The following LRMDA variants were observed in gnomAD, a reference collection of about 807,000 sequenced individuals.
LRMDA encodes leucine-rich melanocyte differentiation-associated protein.
In LRMDA, 18 loss-of-function variants were observed where a neutral mutation model predicts 29.8. The ratio of observed to expected loss-of-function variants is 0.60; its 90% CI spans 0.42 to 0.90. LRMDA has a LOEUF of 0.90. Among genes scored for constraint, LRMDA ranks in the 40% least tolerant of loss-of-function variants. The pLI is 0.00. For missense variants in LRMDA, 273 were observed against 273.9 expected, an observed-to-expected ratio of 1.00 and a Z score of 0.02; for synonymous variants, 125 against 109.4, an observed-to-expected ratio of 1.14 and a Z score of -0.89.
chr10:76,493,372 C>T (rs772823800), intron 6 of LRMDA, among the ~76,000 whole-genome samples: 5 of 151,934 alleles, frequency 3.3e-5, no homozygotes, highest in Non-Finnish European at 7.4e-5. Context: ...TGAATGCTGC[C>T]AGGCCTGGGA....
intron 2 of LRMDA, among the ~76,000 whole-genome samples, chr10:75,585,124 C>G (rs2132079700): frequency 6.6e-6 from 1 of 152,336 alleles, no homozygotes; most frequent in East Asian, 1.9e-4. Flanking sequence ...AGAGACCTCT[C>G]CTCTTGCTGG....
At chr10:76,073,309 C>T (rs114830422) in intron 5 of LRMDA, among the ~76,000 whole-genome samples, 1 of 152,150 alleles carries the variant, frequency 6.6e-6, no homozygotes, top group Non-Finnish European at 1.5e-5. Flanking sequence ...GTGTTCCCTT[C>T]CAAACCGTAT....
intron 2 of LRMDA, among the ~76,000 whole-genome samples, chr10:75,986,148 A>T (rs1486355052): frequency 6.6e-6 from 1 of 152,206 alleles, no homozygotes. Flanking sequence ...CATGAGCTGG[A>T]ATAAACATGT....
intron 5 of LRMDA, among the ~76,000 whole-genome samples, chr10:76,234,547 A>G (rs1009480256): frequency 3.3e-5 from 5 of 152,170 alleles, no homozygotes; most frequent in Non-Finnish European, 5.9e-5. Flanking sequence ...AAAAGCCCCA[A>G]ATGGCATCTT....
At chr10:75,991,691 T>C (rs73279670) in intron 2 of LRMDA, among the ~76,000 whole-genome samples, 4,723 of 152,318 alleles carry the variant, frequency 0.031, 139 homozygotes, top group African/African-American at 0.076. Context: ...GAGTGGGAAG[T>C]AGTGATGTTG....
chr10:75,580,007 A>G (rs898373798), intron 2 of LRMDA, among the ~76,000 whole-genome samples: 4 of 152,214 alleles, frequency 2.6e-5, no homozygotes, highest in Non-Finnish European at 4.4e-5. Flanking sequence ...TTTCAAAACC[A>G]GCACAGGGCA....
At position 76,182,574 on chromosome 10, in the gene LRMDA, C is replaced by A. The variant is rs866083006; in HGVS notation, c.516+123791C>A. On this transcript the variant is annotated intron_variant, in intron 5 of 6. Coordinates refer to ENST00000611255, the MANE Select transcript of LRMDA (RefSeq NM_001305581.2). ...AAACAGTGTTCATGTTGTGTCCTAC[C>A]TTGTCCCATGGAAAATCCTGATTTT... is the stretch of plus-strand genomic sequence containing the variant. 7.2e-5 allele frequency among the ~76,000 whole-genome samples: 11 copies of A among 152,312 alleles called. No homozygotes were observed. In the Middle Eastern group the frequency reaches 0.014, roughly 188 times the overall value.
At chr10:76,278,367 G>A (rs1302706658) in intron 5 of LRMDA, among the ~76,000 whole-genome samples, 1 of 152,132 alleles carries the variant, frequency 6.6e-6, no homozygotes, top group Non-Finnish European at 1.5e-5. Flanking sequence ...AATATAATGA[G>A]ATAATGACTG....
At chr10:75,587,322 C>T (rs1430327) in intron 2 of LRMDA, among the ~76,000 whole-genome samples, 90,434 of 151,872 alleles carry the variant, frequency 0.6, 30,705 homozygotes, top group East Asian at 0.85. Context: ...TCCAGGGTTG[C>T]GTTTTTTTGT....
At chr10:76,338,415 A>C (rs1446200367) in intron 6 of LRMDA, among the ~76,000 whole-genome samples, 1 of 152,094 alleles carries the variant, frequency 6.6e-6, no homozygotes, top group Admixed American at 6.6e-5. Context: ...AAATGGATGT[A>C]GAACTAGCTT....
intron 2 of LRMDA, among the ~76,000 whole-genome samples, chr10:75,828,021 C>T (rs1232230206): frequency 1.3e-5 from 2 of 152,216 alleles, no homozygotes; most frequent in Admixed American, 6.5e-5. Context: ...GTACATTCCT[C>T]AACCCCATTT....
At chr10:76,469,202 T>A (rs1040409517) in intron 6 of LRMDA, among the ~76,000 whole-genome samples, 2 of 152,140 alleles carry the variant, frequency 1.3e-5, no homozygotes, top group African/African-American at 4.8e-5. Flanking sequence ...TAGGTGTGGC[T>A]AAGAAGGTGG....
At chr10:76,031,804 G>T (rs193294300) in intron 2 of LRMDA, among the ~76,000 whole-genome samples, 1 of 152,020 alleles carries the variant, frequency 6.6e-6, no homozygotes, top group Admixed American at 6.5e-5. Context: ...TTTCTTGATT[G>T]GTTTGAGAAC....
At chr10:75,975,999 C>G (rs1847062918) in intron 2 of LRMDA, among the ~76,000 whole-genome samples, 1 of 152,236 alleles carries the variant, frequency 6.6e-6, no homozygotes, top group African/African-American at 2.4e-5. Context: ...TTCCTACAAT[C>G]TATTTGCCAC....
intron 2 of LRMDA, among the ~76,000 whole-genome samples, chr10:75,754,804 G>A (rs527982293): frequency 3.6e-4 from 54 of 151,234 alleles, no homozygotes; most frequent in Non-Finnish European, 5.7e-4. Flanking sequence ...TTTCTCTCTC[G>A]GTCACTGCCT....
chr10:76,102,194 T>C (rs751619703), intron 5 of LRMDA, among the ~76,000 whole-genome samples: 2 of 152,234 alleles, frequency 1.3e-5, no homozygotes, highest in Non-Finnish European at 2.9e-5. Flanking sequence ...GTTTGGGTGT[T>C]TCCATCTTTT....
intron 2 of LRMDA, among the ~76,000 whole-genome samples, chr10:75,612,991 G>T (rs1191956900): frequency 6.6e-6 from 1 of 152,150 alleles, no homozygotes; most frequent in Non-Finnish European, 1.5e-5. Context: ...TTACTCAAAC[G>T]TATGCTATTG....
intron 6 of LRMDA, among the ~76,000 whole-genome samples, chr10:76,439,286 A>G (rs1365673907): frequency 6.6e-6 from 1 of 152,142 alleles, no homozygotes; most frequent in Non-Finnish European, 1.5e-5. Flanking sequence ...GTTTTATGAG[A>G]CAGGAAAGCT....
chr10:76,210,162 A>G (rs1851610382), intron 5 of LRMDA, among the ~76,000 whole-genome samples: 1 of 152,216 alleles, frequency 6.6e-6, no homozygotes, highest in African/African-American at 2.4e-5. Context: ...TCAGTTAAAA[A>G]TACACAAAAT....
Sources: allele counts gnomAD v4.1 joint callset (sites outside exome capture counted in the v4.1 genomes callset), GRCh38; gene constraint gnomAD v4.1.1; transcripts MANE v1.5; gene names NCBI Gene and HGNC (gene_info 2026-07-23, HGNC 2026-07-21).